Variants in LARS2 observed in about 807,000 individuals in gnomAD.
LARS2 encodes the protein leucyl-tRNA synthetase 2, mitochondrial.
Under a neutral mutation model 116.6 loss-of-function variants are expected in LARS2, and 81 were observed. The observed-to-expected ratio is 0.69, with a 90% CI of 0.58 to 0.84. The LOEUF (loss-of-function observed/expected upper bound fraction) is 0.84. Ranked by LOEUF, LARS2 falls within the 40% of genes least tolerant of loss-of-function variation. The pLI is 0.00. For synonymous variants in LARS2, 396 were observed against 407.2 expected (o/e 0.97, Z 0.33); for missense variants, 968 against 1,114.5 (o/e 0.87, Z 1.87).
At chr3:45,465,292 A>G (rs890432868) in intron 8 of LARS2, among the ~76,000 whole-genome samples, 1 of 151,984 alleles carries the variant, frequency 6.6e-6, no homozygotes, top group Admixed American at 6.5e-5. Context: ...TTTCTCTCCT[A>G]AGCTATTCTA....
At chr3:45,410,714 C>T (rs1010485943) in intron 4 of LARS2, among the ~76,000 whole-genome samples, 2 of 152,200 alleles carry the variant, frequency 1.3e-5, no homozygotes, top group African/African-American at 4.8e-5. Context: ...ACCTGAAGCC[C>T]TTATGGCTTC....
chr3:45,477,860 G>C (rs1699640342), intron 10 of LARS2, among the ~76,000 whole-genome samples: 1 of 152,202 alleles, frequency 6.6e-6, no homozygotes, highest in Admixed American at 6.5e-5. Context: ...TGGAGAGATA[G>C]ACAATGTCAT....
chr3:45,547,518 G>C lies in LARS2; in HGVS notation c.2700G>C (p.Leu900=). The C allele has an allele frequency of 6.2e-7, 1 of 1,602,282 alleles. No individual in the cohort carries two copies. The highest frequency in any genetic ancestry group is 8.5e-7 in the Non-Finnish European group (1 of 1,175,636). The stretch of plus-strand genomic sequence containing the variant: ...CGAGAACTGCCCTCATCAACTTCCT[G>C]GTGCAAGATTGACAGCCAGGAGGCT... ...LSPRTALINF[L]VQD Residue 900 remains leucine, a synonymous_variant, in exon 22 of 22, where the codon CTG becomes CTC. Coordinates refer to ENST00000645846, the MANE Select transcript of LARS2 (RefSeq NM_015340.4).
chr3:45,530,712 G>T (rs2125763865), intron 20 of LARS2, among the ~76,000 whole-genome samples: 1 of 152,298 alleles, frequency 6.6e-6, no homozygotes, highest in Non-Finnish European at 1.5e-5. Flanking sequence ...TTCCTAAGAA[G>T]TTATTCCATC....
chr3:45,434,548 A>G (rs9825179), intron 6 of LARS2, among the ~76,000 whole-genome samples: 8,907 of 152,272 alleles, frequency 0.058, 350 homozygotes, highest in African/African-American at 0.11. Context: ...CTTGTCAGAT[A>G]GTTTTGACAT....
chr3:45,458,751 T>C lies in LARS2; in HGVS notation c.615T>C (p.Val205=). The change falls in exon 8 of 22, where the codon GTT becomes GTC. Residue 205 remains valine, a synonymous_variant. Transcript: ENST00000645846. ...TTTCATGAATTATACAGGCCCTGGT[T>C]AACTGGGACCCAGTGGATCAAACAG... The part of the protein sequence containing the change: ...AGLAYQKEAL[V]NWDPVDQTVL... 1 of 1,614,104 alleles carries C rather than the reference T, an allele frequency of 6.2e-7. No individual in the cohort carries two copies. Among genetic ancestry groups the C allele is most frequent in the Non-Finnish European group, 8.5e-7 (1 of 1,180,006 alleles).
chr3:45,534,872 G>C (rs1387413605), intron 20 of LARS2, among the ~76,000 whole-genome samples: 1 of 152,178 alleles, frequency 6.6e-6, no homozygotes, highest in Non-Finnish European at 1.5e-5. Context: ...CCTTCCTGAA[G>C]CTTCGGATCT....
intron 20 of LARS2, among the ~76,000 whole-genome samples, chr3:45,540,110 T>G (rs1700768169): frequency 6.6e-6 from 1 of 151,918 alleles, no homozygotes; most frequent in South Asian, 2.1e-4. Context: ...ATACAAAAAA[T>G]TAGCCAGGCA....
At chr3:45,475,492 A>G (rs1699595416) in intron 9 of LARS2, among the ~76,000 whole-genome samples, 1 of 152,232 alleles carries the variant, frequency 6.6e-6, no homozygotes, top group Admixed American at 6.5e-5. Flanking sequence ...CATCTCTTTC[A>G]GGGCCTTTGC....
intron 6 of LARS2, among the ~76,000 whole-genome samples, chr3:45,440,274 T>G (rs1575256075): frequency 6.6e-6 from 1 of 152,270 alleles, no homozygotes; most frequent in Non-Finnish European, 1.5e-5. Flanking sequence ...GCTTTTAGAA[T>G]CCCTCCACTT....
intron 13 of LARS2, among the ~76,000 whole-genome samples, chr3:45,492,701 T>G (rs1183652176): frequency 6.6e-5 from 10 of 152,140 alleles, no homozygotes; most frequent in African/African-American, 2.4e-4. Flanking sequence ...ATAACCCCAT[T>G]GAAGGGCTTT....
At chr3:45,500,041 G>T (rs1324263884) in intron 14 of LARS2, among the ~76,000 whole-genome samples, 2 of 151,932 alleles carry the variant, frequency 1.3e-5, no homozygotes, top group Non-Finnish European at 2.9e-5. Context: ...TCACCCTGTT[G>T]CCCAGGCTGG....
intron 4 of LARS2, among the ~76,000 whole-genome samples, chr3:45,405,692 GA>G (rs1698222761): frequency 6.6e-6 from 1 of 152,064 alleles, no homozygotes; most frequent in Non-Finnish European, 1.5e-5. Context: ...CATCAATCAG[GA>G]AAAATTAGAC....
chr3:45,394,393 T>G, intron 2 of LARS2, 40 bp from the exon 3 acceptor site: 1 of 1,186,652 alleles, frequency 8.4e-7, no homozygotes, highest in Non-Finnish European at 1.3e-6. Flanking sequence ...TGGGGAGGGT[T>G]TGAGGCAGCT....
chr3:45,392,460 A>G (rs973037599), intron 2 of LARS2, among the ~76,000 whole-genome samples: 16 of 151,806 alleles, frequency 1.1e-4, no homozygotes, highest in African/African-American at 3.6e-4. Context: ...ATGCCCAGCT[A>G]ATTTTTGTAT....
chr3:45,500,423 C>T lies in LARS2; in HGVS notation c.1623-19C>T. The T allele has an allele frequency of 6.3e-7, 1 of 1,594,094 alleles. No individual in the cohort carries two copies. Among genetic ancestry groups the T allele is most frequent in the Non-Finnish European group, 8.5e-7 (1 of 1,173,908 alleles). The stretch of plus-strand genomic sequence containing the variant: ...TGGCAAAGCAGGTTTTTAAAAATGC[C>T]TCCATCTCTTTTTTACAGCCCTTTT... On this transcript the variant is annotated intron_variant, in intron 14 of 21. Coordinates refer to ENST00000645846, the MANE Select transcript of LARS2 (RefSeq NM_015340.4).
intron 6 of LARS2, among the ~76,000 whole-genome samples, chr3:45,435,137 T>C (rs1698777929): frequency 6.6e-6 from 1 of 152,236 alleles, no homozygotes. Context: ...GGGACTCCGC[T>C]GACACCATGG....
intron 20 of LARS2, among the ~76,000 whole-genome samples, chr3:45,535,763 CACA>C (rs1700695213): frequency 1.6e-4 from 6 of 36,444 alleles, no homozygotes; most frequent in African/African-American, 2.9e-4. Flanking sequence ...CACACACACA[CACA>C]CCCCCACACC....
chr3:45,496,017 G>A (rs972347644), intron 13 of LARS2, among the ~76,000 whole-genome samples: 2 of 152,016 alleles, frequency 1.3e-5, no homozygotes, highest in Admixed American at 6.6e-5. Context: ...ACGCCACGAC[G>A]CCCAGCTAAT....
Sources: gnomAD v4.1 joint callset for allele counts (sites outside exome capture counted in the v4.1 genomes callset) on GRCh38, gnomAD v4.1.1 for gene constraint, MANE v1.5 for transcripts, NCBI Gene and HGNC (gene_info 2026-07-23, HGNC 2026-07-21) for gene names.